ELP1: variants seen among roughly 807,000 people sequenced by gnomAD.
ELP1 encodes the protein elongator complex protein 1.
Under a neutral mutation model 183.2 loss-of-function variants are expected in ELP1, and 131 were observed. The ratio of observed to expected loss-of-function variants is 0.72; its 90% CI spans 0.62 to 0.83. ELP1 has a LOEUF of 0.83. Among genes scored for constraint, ELP1 ranks in the 40% least tolerant of loss-of-function variants. The pLI is 0.00. For synonymous variants in ELP1, 555 were observed against 569.0 expected, an observed-to-expected ratio of 0.98 and a Z score of 0.35; for missense variants, 1,550 against 1,594.9, an observed-to-expected ratio of 0.97 and a Z score of 0.48.
chr9:108,916,887 C>A (rs867864575), intron 9 of ELP1, among the ~76,000 whole-genome samples: 4 of 152,082 alleles, frequency 2.6e-5, no homozygotes, highest in African/African-American at 4.8e-5. Flanking sequence ...TTGATGTGTT[C>A]TCACTTCAGC....
At chr9:108,923,017 C>T in intron 5 of ELP1, 90 bp from the exon 6 acceptor site, 1 of 946,552 alleles carries the variant, frequency 1.1e-6, no homozygotes, top group Non-Finnish European at 1.7e-6. Context: ...TAGTCATTGG[C>T]AATTACTCAG....
At chr9:108,892,873 T>C in intron 27 of ELP1, 113 bp downstream of exon 27, 2 of 784,608 alleles carry the variant, frequency 2.5e-6, no homozygotes, top group Admixed American at 3.7e-5. Flanking sequence ...GGCTAATTAG[T>C]TTTAAGATAA....
Position 108,874,976 on chromosome 9 carries a change from G to A in ELP1, c.3856-6C>T, listed in dbSNP as rs1159420429. The A allele has an allele frequency of 5.0e-6, 8 of 1,590,092 alleles. No individual in the cohort carries two copies. Among genetic ancestry groups the A allele is most frequent in the African/African-American group, 1.3e-5 (1 of 74,538 alleles). On this transcript the variant is annotated splice_polypyrimidine_tract_variant and splice_region_variant and intron_variant, in intron 35 of 36. Coordinates refer to ENST00000374647, the MANE Select transcript of ELP1 (RefSeq NM_003640.5). ...GTAGAATTGGGACCTAGAACCTGAG[G>A]AGAAAATAGACTGTATCAGCAAAGA...
intron 1 of ELP1, among the ~76,000 whole-genome samples, chr9:108,933,351 A>G (rs1307336088): frequency 6.6e-6 from 1 of 152,244 alleles, no homozygotes; most frequent in Non-Finnish European, 1.5e-5. Context: ...TTTGTGGCCT[A>G]CATCCAACAC....
At chr9:108,871,901 G>T (rs1827472767) in intron 36 of ELP1, among the ~76,000 whole-genome samples, 1 of 152,196 alleles carries the variant, frequency 6.6e-6, no homozygotes, top group Non-Finnish European at 1.5e-5. Context: ...TAACTGCAGT[G>T]ACAGCTTCAT....
intron 12 of ELP1, among the ~76,000 whole-genome samples, chr9:108,908,970 C>T (rs1355963893): frequency 6.6e-6 from 1 of 152,160 alleles, no homozygotes; most frequent in Non-Finnish European, 1.5e-5. Flanking sequence ...CTAAACACAA[C>T]AGGCACTTCG....
At chr9:108,874,588 T>C (rs541269901) in intron 36 of ELP1, among the ~76,000 whole-genome samples, 1 of 152,342 alleles carries the variant, frequency 6.6e-6, no homozygotes, top group Non-Finnish European at 1.5e-5. Flanking sequence ...TATGTAAATG[T>C]AGACAGTTTA....
chr9:108,917,484 AAT>A, intron 9 of ELP1, 61 bp downstream of exon 9: 1 of 1,530,842 alleles, frequency 6.5e-7, no homozygotes, highest in Admixed American at 1.9e-5. Context: ...AAAAAAAAAA[AAT>A]TCCCTCTATA....
At chr9:108,880,353 C>T (rs1230507639) in intron 31 of ELP1, among the ~76,000 whole-genome samples, 188 bp from the exon 32 acceptor site, 4 of 152,036 alleles carry the variant, frequency 2.6e-5, no homozygotes, top group African/African-American at 9.7e-5. Flanking sequence ...TCTTAGAGTT[C>T]ATCAACATTA....
intron 1 of ELP1, among the ~76,000 whole-genome samples, chr9:108,932,387 G>A (rs1216054103): frequency 6.6e-6 from 1 of 152,152 alleles, no homozygotes; most frequent in Admixed American, 6.5e-5. Flanking sequence ...TATTGCCCAG[G>A]CTGGGGTGCA....
intron 26 of ELP1, among the ~76,000 whole-genome samples, chr9:108,893,357 C>T (rs1216202246): frequency 2.0e-5 from 3 of 152,162 alleles, no homozygotes; most frequent in Non-Finnish European, 1.5e-5. Context: ...AAGACATCAC[C>T]TGGGAAGCTT....
Position 108,912,514 on chromosome 9 carries a change from G to C in ELP1, c.959-20C>G, listed in dbSNP as rs748693811. On this transcript the variant is annotated intron_variant, in intron 10 of 36. Coordinates refer to ENST00000374647, the MANE Select transcript of ELP1 (RefSeq NM_003640.5). ...GCTGAACTGCAAGGGAAAATGAAAA[G>C]AAGGCCGTTAGAGGCTGGGAAGCAG... 2 of 1,576,016 alleles carry C rather than the reference G, an allele frequency of 1.3e-6. No homozygotes were observed. The highest frequency in any genetic ancestry group is 1.1e-5 in the South Asian group (1 of 90,090).
chr9:108,911,414 A>G (rs1344447757), intron 11 of ELP1, among the ~76,000 whole-genome samples: 1 of 152,154 alleles, frequency 6.6e-6, no homozygotes, highest in Admixed American at 6.5e-5. Flanking sequence ...CAGTACCTGG[A>G]GTTTCAGGTG....
Position 108,910,118 on chromosome 9 carries a change from T to C in ELP1, c.1360+892A>G, listed in dbSNP as rs550328539. ...CATACAGTTAAGTCCCACAAAAGCT[T>C]ACATCTGATTCTTTTTGCCTTGACA... On this transcript the variant is annotated intron_variant, in intron 12 of 36. Transcript: ENST00000374647. Among the ~76,000 whole-genome samples, 106 of 152,332 alleles carry C rather than the reference T, an allele frequency of 7.0e-4. 4 individuals are homozygous for C. The South Asian group carries it at 0.021, about 31-fold the overall frequency.
chr9:108,897,335 C>T (rs778562328), intron 22 of ELP1, 50 bp from the exon 23 acceptor site: 35 of 1,602,670 alleles, frequency 2.2e-5, no homozygotes, highest in Admixed American at 6.7e-5. Context: ...TGTAGCCCAG[C>T]GATCAAATTA....
intron 36 of ELP1, among the ~76,000 whole-genome samples, chr9:108,872,065 C>T (rs1362324440): frequency 1.3e-5 from 2 of 152,186 alleles, no homozygotes; most frequent in African/African-American, 2.4e-5. Flanking sequence ...CTGGGAGCAA[C>T]ACTTGTGGTA....
In ELP1 at chr9:108,878,609, G is replaced by A. The variant is rs754253663; in HGVS notation, c.3700+14C>T. 2.0e-5 allele frequency: 32 copies of A among 1,613,978 alleles called. No individual in the cohort carries two copies. Among genetic ancestry groups the A allele is most frequent in the Non-Finnish European group, 1.8e-5 (21 of 1,180,014 alleles). The stretch of plus-strand genomic sequence containing the variant: ...GTTTGTGGTCAGGAATCATCATCAG[G>A]ACTGAGAATATACCTTTCAGGTTTT... On this transcript the variant is annotated intron_variant, in intron 34 of 36. Coordinates refer to ENST00000374647, the MANE Select transcript of ELP1 (RefSeq NM_003640.5).
At chr9:108,891,554 T>C (rs1828338083) in intron 27 of ELP1, 150 bp from the exon 28 acceptor site, 1 of 731,384 alleles carries the variant, frequency 1.4e-6, no homozygotes, top group Non-Finnish European at 2.4e-6. Flanking sequence ...TACAGTCATT[T>C]TTTCATTCAA....
intron 6 of ELP1, among the ~76,000 whole-genome samples, chr9:108,921,592 A>C (rs1187990569): frequency 6.6e-6 from 1 of 152,104 alleles, no homozygotes; most frequent in African/African-American, 2.4e-5. Flanking sequence ...TGCCAAAAAA[A>C]AAAAAAATCA....
Sources: allele counts gnomAD v4.1 joint callset (sites outside exome capture counted in the v4.1 genomes callset), GRCh38; gene constraint gnomAD v4.1.1; transcripts MANE v1.5; gene names NCBI Gene and HGNC (gene_info 2026-07-23, HGNC 2026-07-21).